The following CTAGE9 variants were observed in gnomAD, a reference collection of about 807,000 sequenced individuals.
CTAGE9 encodes CTAGE family member 9.
For synonymous variants in CTAGE9, 107 were observed against 315.9 expected, an observed-to-expected ratio of 0.34 and a Z score of 7.01; for missense variants, 248 against 884.0, an observed-to-expected ratio of 0.28 and a Z score of 9.12.
chr6:131,709,776 C>A lies in CTAGE9; in HGVS notation c.1242G>T (p.Glu414Asp). The A allele has an allele frequency of 6.2e-7, 1 of 1,613,822 alleles. No individual in the cohort carries two copies. The highest frequency in any genetic ancestry group is 2.2e-5 in the East Asian group (1 of 44,852). Residue 414 changes from glutamate to aspartate, a missense_variant, in exon 1 of 1, where the codon GAG (glutamate) becomes GAT (aspartate). Glu to Asp is a conservative substitution (Grantham distance 45). Coordinates refer to ENST00000314099, the MANE Select transcript of CTAGE9 (RefSeq NM_001145659.1). ...TCTTTTCTTCCACTCTAGAAAGCTTCTCTTCTTCCTCTATTCGGTAATTTT... is the reference window on the plus strand; with the variant it reads ...TCTTTTCTTCCACTCTAGAAAGCTTATCTTCTTCCTCTATTCGGTAATTTT... ...VEENYRIEEE[E>D]KLSRVEEKIS...
At position 131,709,400 on chromosome 6, in the gene CTAGE9, GA is replaced by G; in HGVS notation, c.1617del (p.Gln540LysfsTer45). 1 of 1,547,348 alleles carries G rather than the reference GA, an allele frequency of 6.5e-7. No homozygotes were observed. Among genetic ancestry groups the G allele is most frequent in the Non-Finnish European group, 8.7e-7 (1 of 1,154,166 alleles). On this transcript the variant is annotated frameshift_variant, in exon 1 of 1. Coordinates refer to ENST00000314099, the MANE Select transcript of CTAGE9 (RefSeq NM_001145659.1). LOFTEE classifies it low-confidence loss of function (END_TRUNC). The stretch of plus-strand genomic sequence containing the variant: ...CTGAGTGGATCCTCCAACAAAGTTT[GA>G]GGAGAGGGAAAAGCTCTCGTTTCAG... The part of the protein sequence containing the change: ...PSSETRAFPS[P>X]QTLLEDPLRL...
chr6:131,709,676 C>G lies in CTAGE9; in HGVS notation c.1342G>C (p.Val448Leu). The G allele has an allele frequency of 2.5e-6, 4 of 1,613,224 alleles. No homozygotes were observed. Among genetic ancestry groups the G allele is most frequent in the Middle Eastern group, 1.7e-4 (1 of 6,006 alleles). Residue 448 changes from valine (V) to leucine (L), a missense_variant, in exon 1 of 1, where the codon GTT becomes CTT. Physicochemically the swap from Val to Leu is conservative, Grantham distance 32. Coordinates refer to ENST00000314099, the MANE Select transcript of CTAGE9 (RefSeq NM_001145659.1). ...KDLEEELERT[V>L]HFYQKQVISY... ...ATAACCTGCTTTTGATAAAAATGAA[C>G]AGTTCTCTCCAATTCTTCTTCAAGA... is the stretch of plus-strand genomic sequence containing the variant.
chr6:131,709,933 TGA>T lies in CTAGE9; in HGVS notation c.1083_1084del (p.Gln362ThrfsTer12). The T allele has an allele frequency of 1.9e-6, 3 of 1,580,070 alleles. No individual in the cohort carries two copies. Among genetic ancestry groups the T allele is most frequent in the Non-Finnish European group, 1.7e-6 (2 of 1,163,270 alleles). On this transcript the variant is annotated frameshift_variant, in exon 1 of 1. Transcript: ENST00000314099. LOFTEE classifies it low-confidence loss of function (END_TRUNC). Reference sequence around the variant, plus strand: ...GTTTTCTGATTGCAAAGATGCTTGTTGAGTCTGAAGATTTTTAATATGCTCTG... The same window carrying T: ...GTTTTCTGATTGCAAAGATGCTTGTTGTCTGAAGATTTTTAATATGCTCTG...
In CTAGE9 at chr6:131,710,771, A is replaced by G; in HGVS notation, c.247T>C (p.Ser83Pro). Residue 83 changes from serine (S) to proline (P), a missense_variant, in exon 1 of 1, where the codon TCT becomes CCT. Coordinates refer to ENST00000314099, the MANE Select transcript of CTAGE9 (RefSeq NM_001145659.1). Reference sequence around the variant, plus strand: ...TTACATTTTTCTTCAATTAGTCCAGAAAGCGTTGCACCAAGTTTTTGCTCT... The same window carrying G: ...TTACATTTTTCTTCAATTAGTCCAGGAAGCGTTGCACCAAGTTTTTGCTCT... ...GREQKLGATLSGLIEEKCKLL... is the reference protein window; with the variant it reads ...GREQKLGATLPGLIEEKCKLL... 1 of 1,613,116 alleles carries G rather than the reference A, an allele frequency of 6.2e-7. No homozygotes were observed. Among genetic ancestry groups the G allele is most frequent in the Non-Finnish European group, 8.5e-7 (1 of 1,179,822 alleles).
chr6:131,710,048 A>G lies in CTAGE9; in HGVS notation c.970T>C (p.Leu324=), dbSNP rs1412909322. The G allele has an allele frequency of 6.2e-7, 1 of 1,612,488 alleles. No homozygotes were observed. The highest frequency in any genetic ancestry group is 8.5e-7 in the Non-Finnish European group (1 of 1,179,856). The change falls in exon 1 of 1, where the codon TTA becomes CTA. Residue 324 remains leucine, a synonymous_variant. Coordinates refer to ENST00000314099, the MANE Select transcript of CTAGE9 (RefSeq NM_001145659.1). ...TCTAAGCTTTTTAAAGAAACATTTA[A>G]CTTAGCAGCATGAATCAGTTTCTTC... ...ALKKLIHAAK[L]NVSLKSLEGE... is the part of the protein sequence containing the mutation.
chr6:131,710,076 A>C lies in CTAGE9; in HGVS notation c.942T>G (p.Ala314=), dbSNP rs752688550. Reference sequence around the variant, plus strand: ...TAGCAGCATGAATCAGTTTCTTCAAAGCTCCTTTCGGAGGATCATCTAAGT... The same window carrying C: ...TAGCAGCATGAATCAGTTTCTTCAACGCTCCTTTCGGAGGATCATCTAAGT... ...GANLDDPPKG[A]LKKLIHAAKL... The change falls in exon 1 of 1, where the codon GCT becomes GCG. Residue 314 remains alanine (A), a synonymous_variant. Transcript: ENST00000314099. 4.3e-6 allele frequency: 7 copies of C among 1,613,506 alleles called. No homozygotes were observed. Among genetic ancestry groups the C allele is most frequent in the Non-Finnish European group, 5.1e-6 (6 of 1,179,910 alleles).
rs752688550 is a variant in CTAGE9 at position 131,710,076 on chromosome 6, A to G, written c.942T>C (p.Ala314=). The part of the protein sequence containing the change: ...GANLDDPPKG[A]LKKLIHAAKL... Reference sequence around the variant, plus strand: ...TAGCAGCATGAATCAGTTTCTTCAAAGCTCCTTTCGGAGGATCATCTAAGT... The same window carrying G: ...TAGCAGCATGAATCAGTTTCTTCAAGGCTCCTTTCGGAGGATCATCTAAGT... Residue 314 remains alanine, a synonymous_variant, in exon 1 of 1, where the codon GCT becomes GCC. Coordinates refer to ENST00000314099, the MANE Select transcript of CTAGE9 (RefSeq NM_001145659.1). 1 of 1,613,624 alleles carries G rather than the reference A, an allele frequency of 6.2e-7. No homozygotes were observed. The highest frequency in any genetic ancestry group is 2.2e-5 in the East Asian group (1 of 44,858).
Position 131,708,884 on chromosome 6 carries a change from C to A in CTAGE9, c.2134G>T (p.Gly712Cys). The change falls in exon 1 of 1, where the codon GGC (glycine) becomes TGC (cysteine). Residue 712 changes from glycine (G) to cysteine (C), a missense_variant. Gly to Cys is a radical substitution (Grantham distance 159). Coordinates refer to ENST00000314099, the MANE Select transcript of CTAGE9 (RefSeq NM_001145659.1). Reference protein sequence around the residue: ...SGPLFPVDTRGPFMRRGPPFP... With the variant: ...SGPLFPVDTRCPFMRRGPPFP... ...GGAGGTCCTCTTCTCATGAATGGGC[C>A]CCTTGTATCCACTGGAAACAATGGA... The A allele has an allele frequency of 1.2e-6, 2 of 1,608,518 alleles. No homozygotes were observed. The highest frequency in any genetic ancestry group is 1.7e-6 in the Non-Finnish European group (2 of 1,179,742).
At position 131,709,856 on chromosome 6, in the gene CTAGE9, T is replaced by C. The variant is rs1489110809; in HGVS notation, c.1162A>G (p.Thr388Ala). The C allele has an allele frequency of 2.5e-6, 4 of 1,597,124 alleles. No individual in the cohort carries two copies. The highest frequency in any genetic ancestry group is 3.4e-6 in the Non-Finnish European group (4 of 1,173,158). The stretch of plus-strand genomic sequence containing the variant: ...ATTTCATTTTCTTGATAGAATTCAG[T>C]CATTATTTTAAGTTTCTGTTGAAGC... ...QKLQQKLKIM[T>A]EFYQENEMKL... Residue 388 changes from threonine (T) to alanine (A), a missense_variant, in exon 1 of 1, where the codon ACT becomes GCT. Physicochemically the swap from Thr to Ala is moderately conservative, Grantham distance 58. Transcript: ENST00000314099.
chr6:131,708,900 A>T lies in CTAGE9; in HGVS notation c.2118T>A (p.Phe706Leu). Residue 706 changes from phenylalanine to leucine, a missense_variant, in exon 1 of 1, where the codon TTT (phenylalanine) becomes TTA (leucine). Coordinates refer to ENST00000314099, the MANE Select transcript of CTAGE9 (RefSeq NM_001145659.1). ...TGAATGGGCCCCTTGTATCCACTGG[A>T]AACAATGGACCGCTGATTGGAGCAA... ...PPLAPISGPL[F>L]PVDTRGPFMR... is the part of the protein sequence containing the mutation. 1.2e-6 allele frequency: 2 copies of T among 1,607,796 alleles called. No homozygotes were observed. Among genetic ancestry groups the T allele is most frequent in the Non-Finnish European group, 1.7e-6 (2 of 1,179,696 alleles).
chr6:131,709,655 C>G lies in CTAGE9; in HGVS notation c.1363G>C (p.Val455Leu), dbSNP rs761073654. ...ERTVHFYQKQ[V>L]ISYEKRGHDN... ...TGTCCTCTTTTCTCGTAGGAAATAA[C>G]CTGCTTTTGATAAAAATGAACAGTT... Residue 455 changes from valine to leucine, a missense_variant, in exon 1 of 1, where the codon GTT becomes CTT. Transcript: ENST00000314099. The G allele has an allele frequency of 1.7e-5, 28 of 1,612,428 alleles. No homozygotes were observed. The highest frequency in any genetic ancestry group is 2.2e-5 in the Non-Finnish European group (26 of 1,179,354).
chr6:131,709,543 T>G lies in CTAGE9; in HGVS notation c.1475A>C (p.Glu492Ala), dbSNP rs1779728882. ...TAAAAGTTCAAATTTCAACTCTCTTTCAGTTAATTTTTGTTTGTTGTGAGC... is the reference window on the plus strand; with the variant it reads ...TAAAAGTTCAAATTTCAACTCTCTTGCAGTTAATTTTTGTTTGTTGTGAGC... ...ENAHNKQKLT[E>A]RELKFELLEK... is the part of the protein sequence containing the mutation. Residue 492 changes from glutamate (E) to alanine (A), a missense_variant, in exon 1 of 1, where the codon GAA becomes GCA. Coordinates refer to ENST00000314099, the MANE Select transcript of CTAGE9 (RefSeq NM_001145659.1). 3 of 1,613,992 alleles carry G rather than the reference T, an allele frequency of 1.9e-6. No homozygotes were observed. The highest frequency in any genetic ancestry group is 3.3e-4 in the Middle Eastern group (2 of 6,040).
At position 131,710,085 on chromosome 6, in the gene CTAGE9, C is replaced by A. The variant is rs753264311; in HGVS notation, c.933G>T (p.Pro311=). 3.1e-6 allele frequency: 5 copies of A among 1,613,750 alleles called. No individual in the cohort carries two copies. ...WENGANLDDP[P]KGALKKLIHA... Reference sequence around the variant, plus strand: ...GAATCAGTTTCTTCAAAGCTCCTTTCGGAGGATCATCTAAGTTAGCACCAT... The same window carrying A: ...GAATCAGTTTCTTCAAAGCTCCTTTAGGAGGATCATCTAAGTTAGCACCAT... Residue 311 remains proline (P), a synonymous_variant, in exon 1 of 1, where the codon CCG becomes CCT. Coordinates refer to ENST00000314099, the MANE Select transcript of CTAGE9 (RefSeq NM_001145659.1).
Position 131,709,635 on chromosome 6 carries a change from T to C in CTAGE9, c.1383A>G (p.Arg461=), listed in dbSNP as rs1412614446. The change falls in exon 1 of 1, where the codon AGA becomes AGG. Residue 461 remains arginine, a synonymous_variant. Transcript: ENST00000314099. ...GAGCTGCCAACCAATTATCATGTCC[T>C]CTTTTCTCGTAGGAAATAACCTGCT... The part of the protein sequence containing the change: ...YQKQVISYEK[R]GHDNWLAART... 6.2e-7 allele frequency: 1 copy of C among 1,611,584 alleles called. No homozygotes were observed. The highest frequency in any genetic ancestry group is 8.5e-7 in the Non-Finnish European group (1 of 1,178,706).
Position 131,710,813 on chromosome 6 carries a change from G to T in CTAGE9, c.205C>A (p.Arg69=). The T allele has an allele frequency of 6.2e-7, 1 of 1,613,380 alleles. No individual in the cohort carries two copies. The highest frequency in any genetic ancestry group is 1.7e-5 in the Admixed American group (1 of 59,978). Residue 69 remains arginine, a synonymous_variant, in exon 1 of 1, where the codon CGG becomes AGG. Transcript: ENST00000314099. ...LWRSFRSVRS[R]LYVGREQKLG... is the part of the protein sequence containing the mutation. ...TTTTGCTCTCTTCCCACATAAAGCC[G>T]ACTCCTAACCGATCTAAAACTTCTC...
rs769465824 is a variant in CTAGE9, at chr6:131,709,774, T to C, written c.1244A>G (p.Lys415Arg). Reference protein sequence around the residue: ...EENYRIEEEEKLSRVEEKISH... With the variant: ...EENYRIEEEERLSRVEEKISH... The stretch of plus-strand genomic sequence containing the variant: ...GATCTTTTCTTCCACTCTAGAAAGC[T>C]TCTCTTCTTCCTCTATTCGGTAATT... The change falls in exon 1 of 1, where the codon AAG becomes AGG. Residue 415 changes from lysine to arginine, a missense_variant. By Grantham distance (26) the Lys-to-Arg change is conservative. Transcript: ENST00000314099. 1.2e-6 allele frequency: 2 copies of C among 1,613,908 alleles called. No individual in the cohort carries two copies. The highest frequency in any genetic ancestry group is 2.2e-5 in the South Asian group (2 of 91,050).
Position 131,708,892 on chromosome 6 carries a change from T to C in CTAGE9, c.2126A>G (p.Asp709Gly), listed in dbSNP as rs1230492790. Residue 709 changes from aspartate to glycine, a missense_variant, in exon 1 of 1, where the codon GAT becomes GGT. Transcript: ENST00000314099. The part of the protein sequence containing the change: ...APISGPLFPV[D>G]TRGPFMRRGP... ...TCTTCTCATGAATGGGCCCCTTGTATCCACTGGAAACAATGGACCGCTGAT... is the reference window on the plus strand; with the variant it reads ...TCTTCTCATGAATGGGCCCCTTGTACCCACTGGAAACAATGGACCGCTGAT... The C allele has an allele frequency of 1.2e-6, 2 of 1,608,236 alleles. No homozygotes were observed. The highest frequency in any genetic ancestry group is 8.5e-7 in the Non-Finnish European group (1 of 1,179,740).
Position 131,710,920 on chromosome 6 carries a change from T to G in CTAGE9, c.98A>C (p.Asp33Ala), listed in dbSNP as rs1178166487. 2 of 1,594,320 alleles carry G rather than the reference T, an allele frequency of 1.3e-6. No homozygotes were observed. Among genetic ancestry groups the G allele is most frequent in the Non-Finnish European group, 8.5e-7 (1 of 1,178,978 alleles). Residue 33 changes from aspartate to alanine, a missense_variant, in exon 1 of 1, where the codon GAT becomes GCT. Physicochemically the swap from Asp to Ala is moderately radical, Grantham distance 126. Coordinates refer to ENST00000314099, the MANE Select transcript of CTAGE9 (RefSeq NM_001145659.1). Reference sequence around the variant, plus strand: ...CGATGGAAAACCATAAGGATTCTCATCTGGTCTCATACTCTCAGGTAGTGC... The same window carrying G: ...CGATGGAAAACCATAAGGATTCTCAGCTGGTCTCATACTCTCAGGTAGTGC... ...VAALPESMRP[D>A]ENPYGFPSEL...
Position 131,710,107 on chromosome 6 carries a change from C to A in CTAGE9, c.911G>T (p.Gly304Val). 1 of 1,613,940 alleles carries A rather than the reference C, an allele frequency of 6.2e-7. No homozygotes were observed. The highest frequency in any genetic ancestry group is 8.5e-7 in the Non-Finnish European group (1 of 1,179,906). The change falls in exon 1 of 1, where the codon GGT (glycine) becomes GTT (valine). Residue 304 changes from glycine to valine, a missense_variant. Physicochemically the swap from Gly to Val is moderately radical, Grantham distance 109. Coordinates refer to ENST00000314099, the MANE Select transcript of CTAGE9 (RefSeq NM_001145659.1). The part of the protein sequence containing the change: ...ELKVNSQWEN[G>V]ANLDDPPKGA... ...TTTCGGAGGATCATCTAAGTTAGCA[C>A]CATTTTCCCATTGACTGTTCACTTT...
Sources: allele counts gnomAD v4.1 joint callset, GRCh38; gene constraint gnomAD v4.1.1; transcripts MANE v1.5; gene names NCBI Gene and HGNC (gene_info 2026-07-23, HGNC 2026-07-21).